The following INSM1 variants were observed in gnomAD, a reference collection of about 807,000 sequenced individuals.
INSM1 encodes the protein insulinoma-associated protein 1.
INSM1 carries 11 observed loss-of-function variants against 21.1 expected under a neutral mutation model. That is an observed-to-expected ratio of 0.52 (90% CI 0.33 to 0.86). The LOEUF is 0.86. Ranked by LOEUF, INSM1 falls within the 40% of genes least tolerant of loss-of-function variation. INSM1 has a pLI of 0.03. For synonymous variants in INSM1, 473 were observed against 386.1 expected, an observed-to-expected ratio of 1.23 and a Z score of -2.64; for missense variants, 843 against 760.1, an observed-to-expected ratio of 1.11 and a Z score of -1.28.
chr20:20,369,415 G>A lies in INSM1; in HGVS notation c.1148G>A (p.Arg383His). 1 of 1,553,054 alleles carries A rather than the reference G, an allele frequency of 6.4e-7. No individual in the cohort carries two copies. The highest frequency in any genetic ancestry group is 8.6e-7 in the Non-Finnish European group (1 of 1,160,792). Reference sequence around the variant, plus strand: ...AAGTTCCGCCGCCAGGCCTACCTACGCAAGCACCTGCTGGCGCACCACCAG... The same window carrying A: ...AAGTTCCGCCGCCAGGCCTACCTACACAAGCACCTGCTGGCGCACCACCAG... ...AKKFRRQAYL[R>H]KHLLAHHQAL... Residue 383 changes from arginine to histidine, a missense_variant, in exon 1 of 1, where the codon CGC (arginine) becomes CAC (histidine). Coordinates refer to ENST00000310227, the MANE Select transcript of INSM1 (RefSeq NM_002196.3). This position sits in a 1 kb window ranked among gnomAD's most constrained non-coding sequence, Gnocchi z 5.6.
chr20:20,369,880 C>A lies in INSM1; in HGVS notation c.*80C>A, dbSNP rs1274428790. 4.0e-6 allele frequency: 5 copies of A among 1,265,038 alleles called. No homozygotes were observed. The highest frequency in any genetic ancestry group is 4.3e-6 in the Non-Finnish European group (4 of 929,152). The allele number at this position is 1,265,038 out of a possible 1,614,324, so 78.4% of individuals were successfully genotyped here. A position where few individuals can be genotyped will look rare whatever the true frequency, so the allele number is the denominator to read the frequency against. Reference sequence around the variant, plus strand: ...GAGAGTGCGCCCTGCACTCCCCGAACCCGAGTCCGCGCTGGGGGAGCCTCG... The same window carrying A: ...GAGAGTGCGCCCTGCACTCCCCGAAACCGAGTCCGCGCTGGGGGAGCCTCG... On this transcript the variant is annotated 3_prime_UTR_variant, in exon 1 of 1. Transcript: ENST00000310227. The surrounding 1 kb of genome is among the most constrained non-coding windows in gnomAD (Gnocchi z 5.6).
Position 20,369,431 on chromosome 20 carries a change from G to T in INSM1, c.1164G>T (p.Ala388=), listed in dbSNP as rs538411838. Residue 388 remains alanine (A), a synonymous_variant, in exon 1 of 1, where the codon GCG becomes GCT. Coordinates refer to ENST00000310227, the MANE Select transcript of INSM1 (RefSeq NM_002196.3). This position sits in a 1 kb window ranked among gnomAD's most constrained non-coding sequence, Gnocchi z 5.6. ...CCTACCTACGCAAGCACCTGCTGGCGCACCACCAGGCGCTGCAGGCCAAGG... is the reference window on the plus strand; with the variant it reads ...CCTACCTACGCAAGCACCTGCTGGCTCACCACCAGGCGCTGCAGGCCAAGG... ...RQAYLRKHLL[A]HHQALQAKGA... is the part of the protein sequence containing the mutation. 1 of 1,545,440 alleles carries T rather than the reference G, an allele frequency of 6.5e-7. No individual in the cohort carries two copies. The highest frequency in any genetic ancestry group is 1.2e-5 in the South Asian group (1 of 84,636).
rs180771692 is a variant in INSM1 at position 20,370,754 on chromosome 20, T to C, written c.*954T>C. The C allele has an allele frequency of 6.6e-5, 11 of 167,196 alleles. No homozygotes were observed. In the East Asian group the frequency reaches 2.1e-3, roughly 32 times the overall value. The allele number at this position is 167,196 out of a possible 1,614,324, so 10.4% of individuals were successfully genotyped here. A position where few individuals can be genotyped will look rare whatever the true frequency, so the allele number is the denominator to read the frequency against. ...TAACTTTTATACCTATCTGAGTGAA[T>C]TACAGACAACCTATCATTTATTCTG... On this transcript the variant is annotated 3_prime_UTR_variant, in exon 1 of 1. Transcript: ENST00000310227.
At position 20,369,055 on chromosome 20, in the gene INSM1, C is replaced by A; in HGVS notation, c.788C>A (p.Pro263Gln). ...GGCCGCGCGGGGGGCGCGGCGCGGC[C>A]GCTGGGCGAGTTCATCTGCCAGCTG... is the stretch of plus-strand genomic sequence containing the variant. ...PRGRAGGAARPLGEFICQLCK... is the reference protein window; with the variant it reads ...PRGRAGGAARQLGEFICQLCK... The change falls in exon 1 of 1, where the codon CCG becomes CAG. Residue 263 changes from proline (P) to glutamine (Q), a missense_variant. Physicochemically the swap from Pro to Gln is moderately conservative, Grantham distance 76. Transcript: ENST00000310227. The surrounding 1 kb of genome is among the most constrained non-coding windows in gnomAD (Gnocchi z 5.6). 6.4e-7 allele frequency: 1 copy of A among 1,563,258 alleles called. No individual in the cohort carries two copies. Among genetic ancestry groups the A allele is most frequent in the Non-Finnish European group, 8.6e-7 (1 of 1,161,302 alleles).
chr20:20,368,483 C>G lies in INSM1; in HGVS notation c.216C>G (p.Cys72Trp). The stretch of plus-strand genomic sequence containing the variant: ...CAGCGCTCGCCGCCGCGCTTGCCTG[C>G]GCGCCTGGGCCGCAGCCACCCCCGC... ...AHAALAAALA[C>W]APGPQPPPQG... The change falls in exon 1 of 1, where the codon TGC (cysteine) becomes TGG (tryptophan). Residue 72 changes from cysteine (C) to tryptophan (W), a missense_variant. Transcript: ENST00000310227. The surrounding 1 kb of genome is among the most constrained non-coding windows in gnomAD (Gnocchi z 4.3). The G allele has an allele frequency of 8.9e-7, 1 of 1,117,826 alleles. No individual in the cohort carries two copies. The highest frequency in any genetic ancestry group is 3.9e-5 in the South Asian group (1 of 25,328). The allele number at this position is 1,117,826 out of a possible 1,614,324, so 69.2% of individuals were successfully genotyped here.
Position 20,368,564 on chromosome 20 carries a change from C to T in INSM1, c.297C>T (p.Leu99=). Residue 99 remains leucine (L), a synonymous_variant, in exon 1 of 1, where the codon CTC becomes CTT. Coordinates refer to ENST00000310227, the MANE Select transcript of INSM1 (RefSeq NM_002196.3). The surrounding 1 kb of genome is among the most constrained non-coding windows in gnomAD (Gnocchi z 4.3). The part of the protein sequence containing the change: ...GNPEAAHPAP[L]YSPTRPVSRE... ...CCGAGGCTGCGCACCCCGCGCCGCT[C>T]TACAGTCCCACGCGGCCCGTGAGCC... The T allele has an allele frequency of 7.0e-7, 1 of 1,434,828 alleles. No homozygotes were observed. The highest frequency in any genetic ancestry group is 1.3e-5 in the South Asian group (1 of 75,144). The allele number at this position is 1,434,828 out of a possible 1,614,324, so 88.9% of individuals were successfully genotyped here. A position where few individuals can be genotyped will look rare whatever the true frequency, so the allele number is the denominator to read the frequency against.
rs1485170556 is a variant in INSM1, at chr20:20,368,981, G to C, written c.714G>C (p.Ser238=). ...ACTTCGAGGACGAGGTGACCACGTC[G>C]CCCGTGCTGGGGCTCAAGATCAAGG... ...KLHFEDEVTT[S]PVLGLKIKEG... Residue 238 remains serine (S), a synonymous_variant, in exon 1 of 1, where the codon TCG becomes TCC. Transcript: ENST00000310227. This position sits in a 1 kb window ranked among gnomAD's most constrained non-coding sequence, Gnocchi z 4.3. 6.5e-7 allele frequency: 1 copy of C among 1,549,988 alleles called. No individual in the cohort carries two copies. Among genetic ancestry groups the C allele is most frequent in the Non-Finnish European group, 8.7e-7 (1 of 1,150,872 alleles).
Position 20,369,384 on chromosome 20 carries a change from G to C in INSM1, c.1117G>C (p.Ala373Pro), listed in dbSNP as rs749966935. The C allele has an allele frequency of 6.5e-7, 1 of 1,549,778 alleles. No individual in the cohort carries two copies. Among genetic ancestry groups the C allele is most frequent in the African/African-American group, 1.4e-5 (1 of 71,252 alleles). The change falls in exon 1 of 1, where the codon GCC becomes CCC. Residue 373 changes from alanine (A) to proline (P), a missense_variant. Physicochemically the swap from Ala to Pro is conservative, Grantham distance 27 (BLOSUM62 -1). Coordinates refer to ENST00000310227, the MANE Select transcript of INSM1 (RefSeq NM_002196.3). This position sits in a 1 kb window ranked among gnomAD's most constrained non-coding sequence, Gnocchi z 5.6. ...CGGGCTCTACGAGTGCCATCACTGCGCCAAGAAGTTCCGCCGCCAGGCCTA... is the reference window on the plus strand; with the variant it reads ...CGGGCTCTACGAGTGCCATCACTGCCCCAAGAAGTTCCGCCGCCAGGCCTA... ...EDGLYECHHCAKKFRRQAYLR... is the reference protein window; with the variant it reads ...EDGLYECHHCPKKFRRQAYLR...
In INSM1 at chr20:20,368,525, G is replaced by T; in HGVS notation, c.258G>T (p.Ala86=). The T allele has an allele frequency of 1.6e-6, 2 of 1,286,634 alleles. No individual in the cohort carries two copies. The highest frequency in any genetic ancestry group is 2.0e-6 in the Non-Finnish European group (2 of 998,860). The allele number at this position is 1,286,634 out of a possible 1,614,324, so 79.7% of individuals were successfully genotyped here. The change falls in exon 1 of 1, where the codon GCG becomes GCT. Residue 86 remains alanine, a synonymous_variant. Coordinates refer to ENST00000310227, the MANE Select transcript of INSM1 (RefSeq NM_002196.3). The surrounding 1 kb of genome is among the most constrained non-coding windows in gnomAD (Gnocchi z 4.3). Reference sequence around the variant, plus strand: ...CACCCCCGCAGGGCCCGCGGGCCGCGCACTTCGGCAACCCCGAGGCTGCGC... The same window carrying T: ...CACCCCCGCAGGGCCCGCGGGCCGCTCACTTCGGCAACCCCGAGGCTGCGC... ...PQPPPQGPRA[A]HFGNPEAAHP...
At position 20,370,612 on chromosome 20, in the gene INSM1, ATAT is replaced by A. The variant is rs1472754004; in HGVS notation, c.*817_*819del. ...ATTTATATTAATTATGAAGATTATG[ATAT>A]TATTTGATTGCAGATTTTTTTGGCG... On this transcript the variant is annotated 3_prime_UTR_variant, in exon 1 of 1. Transcript: ENST00000310227. The A allele has an allele frequency of 6.0e-6, 1 of 166,876 alleles. No individual in the cohort carries two copies. Among genetic ancestry groups the A allele is most frequent in the Non-Finnish European group, 1.5e-5 (1 of 68,092 alleles). The allele number at this position is 166,876 out of a possible 1,614,324, so 10.3% of individuals were successfully genotyped here.
rs1288713837 is a variant in INSM1 at position 20,368,505 on chromosome 20, C to G, written c.238C>G (p.Pro80Ala). The G allele has an allele frequency of 3.3e-6, 4 of 1,208,774 alleles. No homozygotes were observed. Among genetic ancestry groups the G allele is most frequent in the Non-Finnish European group, 4.2e-6 (4 of 957,540 alleles). 74.9% of individuals were successfully genotyped at this position (1,208,774 alleles called of 1,614,324 possible). A position where few individuals can be genotyped will look rare whatever the true frequency, so the allele number is the denominator to read the frequency against. The part of the protein sequence containing the change: ...LACAPGPQPP[P>A]QGPRAAHFGN... ...CTGCGCGCCTGGGCCGCAGCCACCC[C>G]CGCAGGGCCCGCGGGCCGCGCACTT... The change falls in exon 1 of 1, where the codon CCG becomes GCG. Residue 80 changes from proline (P) to alanine (A), a missense_variant. Physicochemically the swap from Pro to Ala is conservative, Grantham distance 27. Coordinates refer to ENST00000310227, the MANE Select transcript of INSM1 (RefSeq NM_002196.3). The surrounding 1 kb of genome is among the most constrained non-coding windows in gnomAD (Gnocchi z 4.3).
At position 20,369,019 on chromosome 20, in the gene INSM1, AGGCGCCGC is replaced by A; in HGVS notation, c.755_762del (p.Ala252GlyfsTer84). ...CTCAAGATCAAGGAGGGCCCGGTGG[AGGCGCCGC>A]GGGGCCGCGCGGGGGGCGCGGCGCG... On this transcript the variant is annotated frameshift_variant, in exon 1 of 1. Coordinates refer to ENST00000310227, the MANE Select transcript of INSM1 (RefSeq NM_002196.3). LOFTEE classifies it high-confidence loss of function. The surrounding 1 kb of genome is among the most constrained non-coding windows in gnomAD (Gnocchi z 5.6). The A allele has an allele frequency of 6.5e-7, 1 of 1,527,994 alleles. No individual in the cohort carries two copies. Among genetic ancestry groups the A allele is most frequent in the Non-Finnish European group, 8.8e-7 (1 of 1,141,414 alleles). 94.7% of individuals were successfully genotyped at this position (1,527,994 alleles called of 1,614,324 possible).
rs1172939024 is a variant in INSM1, at chr20:20,368,549, G to T, written c.282G>T (p.Ala94=). The change falls in exon 1 of 1, where the codon GCG becomes GCT. Residue 94 remains alanine (A), a synonymous_variant. Coordinates refer to ENST00000310227, the MANE Select transcript of INSM1 (RefSeq NM_002196.3). This position sits in a 1 kb window ranked among gnomAD's most constrained non-coding sequence, Gnocchi z 4.3. ...RAAHFGNPEA[A]HPAPLYSPTR... ...CGCACTTCGGCAACCCCGAGGCTGC[G>T]CACCCCGCGCCGCTCTACAGTCCCA... 5.1e-6 allele frequency: 7 copies of T among 1,385,454 alleles called. No individual in the cohort carries two copies. Among genetic ancestry groups the T allele is most frequent in the South Asian group, 1.5e-5 (1 of 68,300 alleles). 85.8% of individuals were successfully genotyped at this position (1,385,454 alleles called of 1,614,324 possible).
rs867257710 is a variant in INSM1, at chr20:20,369,012, C to G, written c.745C>G (p.Pro249Ala). ...PVLGLKIKEGPVEAPRGRAGG... is the reference protein window; with the variant it reads ...PVLGLKIKEGAVEAPRGRAGG... ...GCTGGGGCTCAAGATCAAGGAGGGC[C>G]CGGTGGAGGCGCCGCGGGGCCGCGC... The change falls in exon 1 of 1, where the codon CCG (proline) becomes GCG (alanine). Residue 249 changes from proline to alanine, a missense_variant. By Grantham distance (27) the Pro-to-Ala change is conservative. Transcript: ENST00000310227. This position sits in a 1 kb window ranked among gnomAD's most constrained non-coding sequence, Gnocchi z 5.6. 6.5e-7 allele frequency: 1 copy of G among 1,527,104 alleles called. No individual in the cohort carries two copies. The highest frequency in any genetic ancestry group is 1.4e-5 in the African/African-American group (1 of 69,826). 94.6% of individuals were successfully genotyped at this position (1,527,104 alleles called of 1,614,324 possible).
In INSM1 at chr20:20,369,636, G is replaced by A; in HGVS notation, c.1369G>A (p.Glu457Lys). ...GTCGTTCGCCAGCAAGGGCGCTCAGGAGCGCCACCTGCGCCTGCTGCACGC... is the reference window on the plus strand; with the variant it reads ...GTCGTTCGCCAGCAAGGGCGCTCAGAAGCGCCACCTGCGCCTGCTGCACGC... The part of the protein sequence containing the change: ...GESFASKGAQ[E>K]RHLRLLHAAQ... Residue 457 changes from glutamate (E) to lysine (K), a missense_variant, in exon 1 of 1, where the codon GAG becomes AAG. Physicochemically the swap from Glu to Lys is moderately conservative, Grantham distance 56 (BLOSUM62 1). Transcript: ENST00000310227. This position sits in a 1 kb window ranked among gnomAD's most constrained non-coding sequence, Gnocchi z 5.6. 17 of 1,600,812 alleles carry A rather than the reference G, an allele frequency of 1.1e-5. No homozygotes were observed. Among genetic ancestry groups the A allele is most frequent in the Non-Finnish European group, 1.4e-5 (17 of 1,179,750 alleles).
At position 20,370,847 on chromosome 20, in the gene INSM1, A is replaced by G. The variant is rs902846835; in HGVS notation, c.*1047A>G. 6.0e-6 allele frequency: 1 copy of G among 167,038 alleles called. No individual in the cohort carries two copies. Among genetic ancestry groups the G allele is most frequent in the Non-Finnish European group, 1.5e-5 (1 of 68,122 alleles). 10.3% of individuals were successfully genotyped at this position (167,038 alleles called of 1,614,324 possible). A position where few individuals can be genotyped will look rare whatever the true frequency, so the allele number is the denominator to read the frequency against. On this transcript the variant is annotated 3_prime_UTR_variant, in exon 1 of 1. Transcript: ENST00000310227. ...CTTTTAAATGCAATCTCTTTTCTAC[A>G]TACATTATTTTCTTAATTGTTAGCT...
At position 20,369,900 on chromosome 20, in the gene INSM1, G is replaced by T; in HGVS notation, c.*100G>T. ...CCGAACCCGAGTCCGCGCTGGGGGA[G>T]CCTCGCCCCCGCCCCCACCGGGTGA... On this transcript the variant is annotated 3_prime_UTR_variant, in exon 1 of 1. Transcript: ENST00000310227. The surrounding 1 kb of genome is among the most constrained non-coding windows in gnomAD (Gnocchi z 5.6). 1 of 1,019,596 alleles carries T rather than the reference G, an allele frequency of 9.8e-7. No homozygotes were observed. The allele number at this position is 1,019,596 out of a possible 1,614,324, so 63.2% of individuals were successfully genotyped here. A position where few individuals can be genotyped will look rare whatever the true frequency, so the allele number is the denominator to read the frequency against.
chr20:20,368,816 G>T lies in INSM1; in HGVS notation c.549G>T (p.Pro183=), dbSNP rs1358927470. ...FSAGAEAARG[P]GPGPPLPPAA... The stretch of plus-strand genomic sequence containing the variant: ...CTGGCGCCGAGGCGGCCCGCGGCCC[G>T]GGCCCCGGCCCCCCACTGCCCCCTG... The change falls in exon 1 of 1, where the codon CCG becomes CCT. Residue 183 remains proline (P), a synonymous_variant. Coordinates refer to ENST00000310227, the MANE Select transcript of INSM1 (RefSeq NM_002196.3). This position sits in a 1 kb window ranked among gnomAD's most constrained non-coding sequence, Gnocchi z 4.3. 5 of 1,110,944 alleles carry T rather than the reference G, an allele frequency of 4.5e-6. No homozygotes were observed. The highest frequency in any genetic ancestry group is 1.7e-5 in the African/African-American group (1 of 60,082). The allele number at this position is 1,110,944 out of a possible 1,614,324, so 68.8% of individuals were successfully genotyped here.
In INSM1 at chr20:20,368,293, G is replaced by A. The variant is rs377136499; in HGVS notation, c.26G>A (p.Arg9His). MPRGFLVK[R>H]SKKSTPVSYR... is the part of the protein sequence containing the mutation. ...ATGCCCCGCGGCTTCCTGGTGAAGC[G>A]CAGCAAGAAGTCCACGCCCGTTTCC... Residue 9 changes from arginine (R) to histidine (H), a missense_variant, in exon 1 of 1, where the codon CGC becomes CAC. Transcript: ENST00000310227. This position sits in a 1 kb window ranked among gnomAD's most constrained non-coding sequence, Gnocchi z 4.3. The A allele has an allele frequency of 1.5e-6, 2 of 1,311,556 alleles. No individual in the cohort carries two copies. Among genetic ancestry groups the A allele is most frequent in the Non-Finnish European group, 2.0e-6 (2 of 1,014,058 alleles). The allele number at this position is 1,311,556 out of a possible 1,614,324, so 81.2% of individuals were successfully genotyped here.
Sources: allele counts gnomAD v4.1 joint callset, GRCh38; gene constraint gnomAD v4.1.1; non-coding constraint Gnocchi (gnomAD v3.1); transcripts MANE v1.5; gene names NCBI Gene and HGNC (gene_info 2026-07-23, HGNC 2026-07-21).